The following RBFOX1 variants were observed in gnomAD, a reference collection of about 807,000 sequenced individuals.
The protein encoded by RBFOX1 is RNA binding protein fox-1 homolog 1.
A neutral mutation model predicts 57.7 loss-of-function variants in RBFOX1; 8 were observed. The observed-to-expected ratio is 0.14, with a 90% CI of 0.08 to 0.25. The LOEUF is 0.25. Among genes scored for constraint, RBFOX1 ranks in the 10% least tolerant of loss-of-function variants. The probability of loss-of-function intolerance (pLI) is 1.00; values close to 1 mark genes in which losing one functional copy is unlikely to be tolerated. For missense variants in RBFOX1, 611 were observed against 548.5 expected (o/e 1.11, Z -1.14); for synonymous variants, 326 against 222.4 (o/e 1.47, Z -4.15).
At chr16:7,618,610 A>G (rs578119902) in intron 10 of RBFOX1, among the ~76,000 whole-genome samples, 1 of 152,106 alleles carries the variant, frequency 6.6e-6, no homozygotes, top group East Asian at 1.9e-4. Flanking sequence ...TCCCACTTTC[A>G]TTGTTCTTTT....
At chr16:7,011,118 A>C (rs1473132434) in intron 3 of RBFOX1, among the ~76,000 whole-genome samples, 1 of 151,764 alleles carries the variant, frequency 6.6e-6, no homozygotes, top group East Asian at 1.9e-4. Context: ...AAGAGAGGCC[A>C]TCAGGCTGTG....
intron 4 of RBFOX1, among the ~76,000 whole-genome samples, chr16:7,054,826 G>C (rs191520682): frequency 1.7e-3 from 261 of 152,296 alleles, no homozygotes; most frequent in African/African-American, 6.0e-3. Context: ...TCCTTCATTA[G>C]TGCATTCTGT....
At chr16:5,424,600 A>G (rs185921683) in intron 1 of RBFOX1, among the ~76,000 whole-genome samples, 399 of 151,888 alleles carry the variant, frequency 2.6e-3, no homozygotes, top group African/African-American at 9.1e-3. Context: ...ATGGGTTGAC[A>G]GGTACAGCAA....
intron 4 of RBFOX1, among the ~76,000 whole-genome samples, chr16:7,482,138 A>G (rs1054995876): frequency 1.3e-5 from 2 of 152,204 alleles, no homozygotes; most frequent in Non-Finnish European, 2.9e-5. Context: ...TAGTCATAAC[A>G]ATAATATTTT....
intron 4 of RBFOX1, among the ~76,000 whole-genome samples, chr16:5,894,319 G>A (rs1410369340): frequency 6.6e-6 from 1 of 152,148 alleles, no homozygotes; most frequent in Non-Finnish European, 1.5e-5. Context: ...GTGTTGCTGT[G>A]TTGCCCAGGC....
intron 2 of RBFOX1, among the ~76,000 whole-genome samples, chr16:6,562,326 C>T (rs2097189483): frequency 6.6e-6 from 1 of 152,210 alleles, no homozygotes; most frequent in African/African-American, 2.4e-5. Context: ...ACAGATAAGG[C>T]AACACTAGTA....
At chr16:7,171,559 G>A (rs560904101) in intron 4 of RBFOX1, among the ~76,000 whole-genome samples, 57 of 152,256 alleles carry the variant, frequency 3.7e-4, no homozygotes, top group African/African-American at 9.6e-4. Context: ...CCAAGAGGCC[G>A]CCTCAGTGTT....
chr16:7,649,113 A>C (rs1200665243), intron 11 of RBFOX1, among the ~76,000 whole-genome samples: 1 of 152,184 alleles, frequency 6.6e-6, no homozygotes, highest in Non-Finnish European at 1.5e-5. Context: ...TTATAAAGAA[A>C]GTAAAATGGG....
intron 4 of RBFOX1, among the ~76,000 whole-genome samples, chr16:5,998,329 A>G (rs2060525494): frequency 6.6e-6 from 1 of 152,232 alleles, no homozygotes; most frequent in Non-Finnish European, 1.5e-5. Context: ...AGGAAAACTA[A>G]AATAGATTAC....
chr16:6,832,730 A>G (rs1237183058), intron 3 of RBFOX1, among the ~76,000 whole-genome samples: 3 of 152,286 alleles, frequency 2.0e-5, no homozygotes, highest in South Asian at 2.1e-4. Flanking sequence ...GGAAGGGTCT[A>G]TCTTTGCAGC....
intron 4 of RBFOX1, chr16:7,422,969 C>T (rs928385562): frequency 1.3e-5 from 2 of 152,302 alleles, no homozygotes; most frequent in African/African-American, 2.4e-5. Context: ...GAGATATCCA[C>T]TAGTCCTTTA....
chr16:6,991,991 A>G (rs1448831527), intron 3 of RBFOX1, among the ~76,000 whole-genome samples: 2 of 152,188 alleles, frequency 1.3e-5, no homozygotes, highest in Admixed American at 1.3e-4. Flanking sequence ...CCTGTGTTTC[A>G]GAAGCTGGTG....
At chr16:6,265,348 G>A (rs1365544902) in intron 1 of RBFOX1, among the ~76,000 whole-genome samples, 2 of 151,948 alleles carry the variant, frequency 1.3e-5, no homozygotes, top group Non-Finnish European at 2.9e-5. Flanking sequence ...TACAACCTCT[G>A]CCTCCCAAGT....
At chr16:7,431,448 C>T (rs988742169) in intron 4 of RBFOX1, among the ~76,000 whole-genome samples, 2 of 150,384 alleles carry the variant, frequency 1.3e-5, no homozygotes, top group African/African-American at 4.9e-5. Context: ...ACTGTGTTGC[C>T]CAGACTGGTC....
At chr16:6,766,433 TG>T (rs1193727429) in intron 3 of RBFOX1, among the ~76,000 whole-genome samples, 2 of 152,148 alleles carry the variant, frequency 1.3e-5, no homozygotes, top group Admixed American at 1.3e-4. Context: ...AAAGGTCACT[TG>T]GCCTTTTCTA....
At chr16:7,404,987 G>T (rs1383490170) in intron 4 of RBFOX1, among the ~76,000 whole-genome samples, 4 of 152,136 alleles carry the variant, frequency 2.6e-5, no homozygotes, top group East Asian at 1.9e-4. Context: ...TTACTCCACA[G>T]CAGGAAAGAT....
chr16:7,678,672 C>G (rs890100111), intron 14 of RBFOX1, among the ~76,000 whole-genome samples: 1 of 152,096 alleles, frequency 6.6e-6, no homozygotes, highest in Admixed American at 6.6e-5. Context: ...TTCAATAAGA[C>G]TGGTCTAGAC....
chr16:5,867,104 G>T (rs549439714), intron 3 of RBFOX1, among the ~76,000 whole-genome samples: 7 of 151,912 alleles, frequency 4.6e-5, no homozygotes, highest in African/African-American at 1.7e-4. Flanking sequence ...TTATTAACAG[G>T]GCTGGATAAA....
chr16:6,571,214 A>G (rs993183301), intron 2 of RBFOX1, among the ~76,000 whole-genome samples: 9 of 152,182 alleles, frequency 5.9e-5, no homozygotes, highest in Non-Finnish European at 1.0e-4. Context: ...CTTCTTCGAA[A>G]ATTGTCAGAG....
Sources: gnomAD v4.1 joint callset for allele counts (sites outside exome capture counted in the v4.1 genomes callset) on GRCh38, gnomAD v4.1.1 for gene constraint, MANE v1.5 for transcripts, NCBI Gene and HGNC (gene_info 2026-07-23, HGNC 2026-07-21) for gene names.